Variants in OVOL2 observed in about 807,000 individuals in gnomAD.
OVOL2 encodes transcription factor Ovo-like 2.
OVOL2 carries 13 observed loss-of-function variants against 18.1 expected under a neutral mutation model. The ratio of observed to expected loss-of-function variants is 0.72; its 90% CI spans 0.47 to 1.14. The LOEUF (loss-of-function observed/expected upper bound fraction) is 1.14. Among genes scored for constraint, OVOL2 ranks in the 50% most tolerant of loss-of-function variants. The probability of loss-of-function intolerance (pLI) is 0.00; values close to 1 mark genes in which losing one functional copy is unlikely to be tolerated. For missense variants in OVOL2, 335 were observed against 383.0 expected (o/e 0.87, Z 1.05); for synonymous variants, 166 against 162.7 (o/e 1.02, Z -0.16).
At position 18,057,854 on chromosome 20, in the gene OVOL2, C is replaced by G; in HGVS notation, c.-220G>C. The G allele has an allele frequency of 1.5e-6, 2 of 1,343,994 alleles. No individual in the cohort carries two copies. The highest frequency in any genetic ancestry group is 1.9e-6 in the Non-Finnish European group (2 of 1,054,596). The allele number at this position is 1,343,994 out of a possible 1,614,324, so 83.3% of individuals were successfully genotyped here. A position where few individuals can be genotyped will look rare whatever the true frequency, so the allele number is the denominator to read the frequency against. The stretch of plus-strand genomic sequence containing the variant: ...TCGGCGACACCTATGCCTTAAATCG[C>G]GAGTGAGACCACGCCGGGGAAAAAG... On this transcript the variant is annotated 5_prime_UTR_variant, in exon 1 of 4. Coordinates refer to ENST00000278780, the MANE Select transcript of OVOL2 (RefSeq NM_021220.4). This position sits in a 1 kb window ranked among gnomAD's most constrained non-coding sequence, Gnocchi z 6.3.
chr20:18,053,530 G>A (rs1846496442), intron 2 of OVOL2, among the ~76,000 whole-genome samples: 2 of 152,108 alleles, frequency 1.3e-5, no homozygotes. Flanking sequence ...GCGAAACTTC[G>A]TCTCTATTAA....
intron 3 of OVOL2, among the ~76,000 whole-genome samples, chr20:18,028,705 A>C (rs2036541631): frequency 6.6e-6 from 1 of 152,052 alleles, no homozygotes. Context: ...AGGCACGAAA[A>C]TTGCTTGAAC....
intron 2 of OVOL2, among the ~76,000 whole-genome samples, chr20:18,042,499 A>G (rs957837090): frequency 3.3e-5 from 5 of 151,898 alleles, no homozygotes; most frequent in African/African-American, 1.2e-4. Context: ...CCTGGTGGCC[A>G]GGCGCGGCGT....
intron 2 of OVOL2, among the ~76,000 whole-genome samples, chr20:18,044,140 C>T (rs929083231): frequency 6.6e-6 from 1 of 152,172 alleles, no homozygotes; most frequent in Non-Finnish European, 1.5e-5. Context: ...CTATGCCTCC[C>T]CTGGGGTCTT....
intron 3 of OVOL2, among the ~76,000 whole-genome samples, chr20:18,030,974 G>A (rs561437591): frequency 6.6e-6 from 1 of 152,174 alleles, no homozygotes; most frequent in Non-Finnish European, 1.5e-5. Context: ...GGGGACGTGG[G>A]TGGCCAGAGA....
chr20:18,025,056 C>A, intron 3 of OVOL2, 104 bp from the exon 4 acceptor site: 1 of 1,335,462 alleles, frequency 7.5e-7, no homozygotes, highest in South Asian at 1.4e-5. Flanking sequence ...GGATTCATGG[C>A]AGCATGAGGA....
intron 3 of OVOL2, among the ~76,000 whole-genome samples, chr20:18,025,502 G>A (rs190807741): frequency 4.7e-4 from 72 of 152,304 alleles, no homozygotes; most frequent in Non-Finnish European, 7.9e-4. Flanking sequence ...CCAGGAGGTG[G>A]AGGTTGTAGC....
At chr20:18,039,078 C>T (rs2036645793) in intron 3 of OVOL2, among the ~76,000 whole-genome samples, 3 of 152,188 alleles carry the variant, frequency 2.0e-5, no homozygotes, top group African/African-American at 7.2e-5. Context: ...ATTCCATTTA[C>T]ATCAAGCTCA....
chr20:18,043,485 C>T (rs1394934042), intron 2 of OVOL2, among the ~76,000 whole-genome samples: 1 of 152,144 alleles, frequency 6.6e-6, no homozygotes, highest in Non-Finnish European at 1.5e-5. Flanking sequence ...CCAAAGGCCA[C>T]ATGGGGGAGC....
At chr20:18,035,865 C>T (rs149319062) in intron 3 of OVOL2, among the ~76,000 whole-genome samples, 2 of 152,252 alleles carry the variant, frequency 1.3e-5, no homozygotes, top group African/African-American at 4.8e-5. Flanking sequence ...AAAATGCAAG[C>T]TGCTTTATAA....
At chr20:18,054,085 T>C (rs930500697) in intron 2 of OVOL2, among the ~76,000 whole-genome samples, 4 of 152,250 alleles carry the variant, frequency 2.6e-5, no homozygotes, top group African/African-American at 9.6e-5. Flanking sequence ...TTAATAATGT[T>C]TGTGTCTCCC....
chr20:18,054,394 C>A (rs971842536), intron 2 of OVOL2, among the ~76,000 whole-genome samples: 2 of 152,196 alleles, frequency 1.3e-5, no homozygotes, highest in Admixed American at 1.3e-4. Context: ...CTTCTCTGTG[C>A]CAGGCAATAG....
At position 18,024,909 on chromosome 20, in the gene OVOL2, G is replaced by A. The variant is rs186662349; in HGVS notation, c.555C>T (p.Thr185=). The change falls in exon 4 of 4, where the codon ACC becomes ACT. Residue 185 remains threonine (T), a synonymous_variant. Transcript: ENST00000278780. ...YKCNVCNKAF[T]QRCSLESHLK... is the part of the protein sequence containing the mutation. ...GGTGGGACTCCAGAGAGCAGCGCTG[G>A]GTGAAGGCTTTATTGCAGACGTTGC... is the stretch of plus-strand genomic sequence containing the variant. 9 of 1,614,040 alleles carry A rather than the reference G, an allele frequency of 5.6e-6. No homozygotes were observed. Among genetic ancestry groups the A allele is most frequent in the East Asian group, 2.2e-5 (1 of 44,870 alleles).
At chr20:18,033,219 T>C (rs2036586467) in intron 3 of OVOL2, among the ~76,000 whole-genome samples, 1 of 152,180 alleles carries the variant, frequency 6.6e-6, no homozygotes, top group Non-Finnish European at 1.5e-5. Flanking sequence ...TTCTCCTCCC[T>C]CTGAATGTAG....
intron 2 of OVOL2, among the ~76,000 whole-genome samples, chr20:18,048,544 T>A (rs2036744075): frequency 1.3e-5 from 2 of 151,968 alleles, no homozygotes; most frequent in African/African-American, 4.8e-5. Flanking sequence ...CTGGCCAACA[T>A]GGTAAAACCC....
At chr20:18,035,510 C>T (rs1311864828) in intron 3 of OVOL2, among the ~76,000 whole-genome samples, 3 of 152,192 alleles carry the variant, frequency 2.0e-5, no homozygotes, top group African/African-American at 7.2e-5. Flanking sequence ...CCACTGAATT[C>T]AAGTAAGGTC....
intron 2 of OVOL2, among the ~76,000 whole-genome samples, chr20:18,054,155 T>C (rs1278562031): frequency 6.6e-6 from 1 of 152,244 alleles, no homozygotes; most frequent in Admixed American, 6.5e-5. Context: ...CCTCCACTCA[T>C]TTATCCTCAC....
rs1212363553 is a variant in OVOL2, at chr20:18,056,415, G to A, written c.321+242C>T. On this transcript the variant is annotated intron_variant, in intron 2 of 3. Coordinates refer to ENST00000278780, the MANE Select transcript of OVOL2 (RefSeq NM_021220.4). The surrounding 1 kb of genome is among the most constrained non-coding windows in gnomAD (Gnocchi z 4.2). Reference sequence around the variant, plus strand: ...GCACTCGGCATCAGGCGGGGCCACCGGGAGGACGGAGCCCACTCCGGGAAC... The same window carrying A: ...GCACTCGGCATCAGGCGGGGCCACCAGGAGGACGGAGCCCACTCCGGGAAC... 1.3e-5 allele frequency among the ~76,000 whole-genome samples: 2 copies of A among 152,116 alleles called. No homozygotes were observed. Among genetic ancestry groups the A allele is most frequent in the Non-Finnish European group, 2.9e-5 (2 of 67,970 alleles).
chr20:18,040,377 G>A (rs1344094157), intron 3 of OVOL2, among the ~76,000 whole-genome samples: 1 of 152,124 alleles, frequency 6.6e-6, no homozygotes, highest in Non-Finnish European at 1.5e-5. Context: ...TGATGGGATA[G>A]GACGTGATGG....
Sources: allele counts gnomAD v4.1 joint callset (sites outside exome capture counted in the v4.1 genomes callset), GRCh38; gene constraint gnomAD v4.1.1; non-coding constraint Gnocchi (gnomAD v3.1); transcripts MANE v1.5; gene names NCBI Gene and HGNC (gene_info 2026-07-23, HGNC 2026-07-21).